The following FSTL4 variants were observed in gnomAD, a reference collection of about 807,000 sequenced individuals.
FSTL4 encodes follistatin-related protein 4.
Under a neutral mutation model 78.2 loss-of-function variants are expected in FSTL4, and 28 were observed. The observed-to-expected ratio is 0.36, with a 90% CI of 0.27 to 0.49. The LOEUF (loss-of-function observed/expected upper bound fraction) is 0.49, where lower values mean the gene tolerates loss of function less well. Among genes scored for constraint, FSTL4 ranks in the 20% least tolerant of loss-of-function variants. FSTL4 has a pLI of 0.98. For missense variants in FSTL4, 922 were observed against 1,084.9 expected (o/e 0.85, Z 2.11); for synonymous variants, 422 against 440.5 (o/e 0.96, Z 0.53).
At chr5:133,485,537 A>G (rs750426168) in intron 3 of FSTL4, among the ~76,000 whole-genome samples, 1 of 152,272 alleles carries the variant, frequency 6.6e-6, no homozygotes, top group Admixed American at 6.5e-5. Context: ...CTTGCTGCTC[A>G]GCAGAGGTCC....
At chr5:133,509,151 C>T (rs1213984682) in intron 3 of FSTL4, among the ~76,000 whole-genome samples, 2 of 152,126 alleles carry the variant, frequency 1.3e-5, no homozygotes, top group South Asian at 2.1e-4. Context: ...CCAGCCACCC[C>T]ATCACTTTCC....
chr5:133,692,056 G>T, the FSTL4 span, among the ~76,000 whole-genome samples: 2 of 152,346 alleles, frequency 1.3e-5, no homozygotes, highest in East Asian at 3.9e-4. Context: ...ATGCAATGGA[G>T]AATTACAGCA....
chr5:133,593,365 C>T (rs1442406607), intron 2 of FSTL4, among the ~76,000 whole-genome samples: 3 of 152,068 alleles, frequency 2.0e-5, no homozygotes, highest in African/African-American at 7.2e-5. Context: ...GGGAGAGGTC[C>T]CAGAGCAGTA....
At chr5:133,511,713 G>A (rs777175105) in intron 3 of FSTL4, among the ~76,000 whole-genome samples, 10 of 152,146 alleles carry the variant, frequency 6.6e-5, no homozygotes, top group Admixed American at 2.0e-4. Context: ...TCAAAATGAG[G>A]TATGCCAGGA....
At chr5:133,239,567 C>G (rs982906718) in intron 7 of FSTL4, among the ~76,000 whole-genome samples, 4 of 151,984 alleles carry the variant, frequency 2.6e-5, no homozygotes, top group Admixed American at 1.3e-4. Context: ...ATGCACCATT[C>G]GGCACTCTGT....
At chr5:133,299,161 C>T (rs1753472960) in intron 6 of FSTL4, among the ~76,000 whole-genome samples, 1 of 152,158 alleles carries the variant, frequency 6.6e-6, no homozygotes, top group South Asian at 2.1e-4. Flanking sequence ...TACAGAGGGG[C>T]TGGGGCCTGT....
chr5:133,824,050 G>T, the FSTL4 span, among the ~76,000 whole-genome samples: 1 of 152,190 alleles, frequency 6.6e-6, no homozygotes, highest in Non-Finnish European at 1.5e-5. Flanking sequence ...CACCACCCAG[G>T]CACTCAAGAC....
chr5:133,379,873 G>A (rs535571093), intron 4 of FSTL4, among the ~76,000 whole-genome samples: 48 of 151,876 alleles, frequency 3.2e-4, no homozygotes, highest in African/African-American at 1.1e-3. Flanking sequence ...TCAAGAGATC[G>A]AGACCATCCT....
chr5:133,830,480 G>C, the FSTL4 span, among the ~76,000 whole-genome samples: 1 of 152,196 alleles, frequency 6.6e-6, no homozygotes, highest in Non-Finnish European at 1.5e-5. Flanking sequence ...CTGCCTCACT[G>C]TACTCACTCT....
intron 3 of FSTL4, among the ~76,000 whole-genome samples, chr5:133,482,053 T>G (rs1324992134): frequency 1.3e-5 from 2 of 152,274 alleles, no homozygotes; most frequent in Non-Finnish European, 2.9e-5. Flanking sequence ...TGGCGATGTC[T>G]GCCTGCAGAT....
At chr5:133,359,469 GA>G (rs1438172563) in intron 4 of FSTL4, among the ~76,000 whole-genome samples, 1 of 152,208 alleles carries the variant, frequency 6.6e-6, no homozygotes, top group East Asian at 1.9e-4. Flanking sequence ...AGAAGTTTTA[GA>G]ATAGGCAAAC....
At chr5:133,331,622 A>C (rs1754349016) in intron 4 of FSTL4, among the ~76,000 whole-genome samples, 1 of 152,182 alleles carries the variant, frequency 6.6e-6, no homozygotes. Flanking sequence ...AGGAAATGGC[A>C]TTTCAGAGAA....
At chr5:133,562,894 G>A (rs912056268) in intron 3 of FSTL4, among the ~76,000 whole-genome samples, 7 of 152,226 alleles carry the variant, frequency 4.6e-5, no homozygotes, top group African/African-American at 1.7e-4. Context: ...GGTTTGAGTA[G>A]ATGAATTTTG....
chr5:133,496,667 G>A (rs563690556), intron 3 of FSTL4, among the ~76,000 whole-genome samples: 10 of 152,220 alleles, frequency 6.6e-5, no homozygotes, highest in South Asian at 2.1e-4. Context: ...TAGGAAATGC[G>A]GACACGAGGA....
chr5:133,732,302 C>T, the FSTL4 span, among the ~76,000 whole-genome samples: 5 of 152,082 alleles, frequency 3.3e-5, no homozygotes, highest in South Asian at 2.1e-4. Flanking sequence ...CTGTGGGCCC[C>T]GAGGAAGATG....
intron 3 of FSTL4, among the ~76,000 whole-genome samples, chr5:133,464,530 C>T (rs575258558): frequency 3.3e-5 from 5 of 152,304 alleles, no homozygotes; most frequent in East Asian, 3.9e-4. Flanking sequence ...GGGCCGGCCT[C>T]GTGGGGAAAA....
intron 5 of FSTL4, among the ~76,000 whole-genome samples, chr5:133,315,213 A>T (rs1038769235): frequency 2.6e-5 from 4 of 152,192 alleles, no homozygotes; most frequent in Non-Finnish European, 5.9e-5. Context: ...TCACTATCTT[A>T]GCTCATTTAA....
the FSTL4 span, among the ~76,000 whole-genome samples, chr5:133,760,535 T>C: frequency 2.0e-5 from 3 of 152,150 alleles, no homozygotes; most frequent in Non-Finnish European, 4.4e-5. Flanking sequence ...GCGATCTCCA[T>C]TTAAGGGTAA....
chr5:133,743,772 T>G, the FSTL4 span, among the ~76,000 whole-genome samples: 1 of 152,218 alleles, frequency 6.6e-6, no homozygotes, highest in Non-Finnish European at 1.5e-5. Flanking sequence ...ATTGCCTGCC[T>G]TTCTGAATCT....
Sources: allele counts gnomAD v4.1 joint callset (sites outside exome capture counted in the v4.1 genomes callset), GRCh38; gene constraint gnomAD v4.1.1; transcripts MANE v1.5; gene names NCBI Gene and HGNC (gene_info 2026-07-23, HGNC 2026-07-21).